The following PLPP4 variants were observed in gnomAD, a reference collection of about 807,000 sequenced individuals.
PLPP4 encodes phospholipid phosphatase 4.
A neutral mutation model predicts 32.2 loss-of-function variants in PLPP4; 20 were observed. The observed-to-expected ratio is 0.62, with a 90% CI of 0.44 to 0.90. The LOEUF (loss-of-function observed/expected upper bound fraction) is 0.90. Among genes scored for constraint, PLPP4 ranks in the 40% least tolerant of loss-of-function variants. PLPP4 has a pLI of 0.00. For missense variants in PLPP4, 257 were observed against 353.1 expected, an observed-to-expected ratio of 0.73 and a Z score of 2.18; for synonymous variants, 127 against 133.0, an observed-to-expected ratio of 0.95 and a Z score of 0.31.
chr10:120,572,540 C>G (rs1331408898), intron 5 of PLPP4, among the ~76,000 whole-genome samples: 6 of 152,262 alleles, frequency 3.9e-5, no homozygotes, highest in Non-Finnish European at 8.8e-5. Context: ...AAGGCTGCCT[C>G]TCCCCTGATT....
intron 6 of PLPP4, among the ~76,000 whole-genome samples, chr10:120,584,623 A>G (rs939667600): frequency 2.6e-5 from 4 of 152,206 alleles, no homozygotes; most frequent in Admixed American, 6.5e-5. Context: ...TTCCCCCAAT[A>G]AGGGCTTTCT....
At chr10:120,486,165 C>T (rs183924959) in intron 1 of PLPP4, among the ~76,000 whole-genome samples, 17 of 152,292 alleles carry the variant, frequency 1.1e-4, no homozygotes, top group East Asian at 7.7e-4. Context: ...GGATTTTTCA[C>T]GCCCACCCTC....
intron 3 of PLPP4, 79 bp from the exon 4 acceptor site, chr10:120,518,752 TGA>T (rs1846032850): frequency 1.3e-5 from 14 of 1,055,942 alleles, no homozygotes; most frequent in Non-Finnish European, 2.0e-5. Flanking sequence ...AATGTAACAG[TGA>T]TGATGATGAT....
chr10:120,459,779 A>G (rs1212679312), intron 1 of PLPP4, among the ~76,000 whole-genome samples: 1 of 152,186 alleles, frequency 6.6e-6, no homozygotes, highest in African/African-American at 2.4e-5. Flanking sequence ...CCGGAGAAAC[A>G]TCACCTGTAG....
rs775599556 is a variant in PLPP4 at position 120,575,201 on chromosome 10, G to C, written c.516G>C (p.Gly172=). ...AGCTGCACTGCTTCACCGAGAGTGG[G>C]CGGGGAAAGAGCTGGCGGCTCTGTG... The part of the protein sequence containing the change: ...AGKLHCFTES[G]RGKSWRLCAA... The change falls in exon 6 of 7, where the codon GGG becomes GGC. Residue 172 remains glycine, a synonymous_variant. Coordinates refer to ENST00000398250, the MANE Select transcript of PLPP4 (RefSeq NM_001030059.3). The C allele has an allele frequency of 1.8e-5, 29 of 1,613,916 alleles. No homozygotes were observed. The highest frequency in any genetic ancestry group is 3.3e-4 in the Middle Eastern group (2 of 6,084).
At chr10:120,487,528 C>A (rs540547834) in intron 1 of PLPP4, among the ~76,000 whole-genome samples, 1 of 152,224 alleles carries the variant, frequency 6.6e-6, no homozygotes, top group Non-Finnish European at 1.5e-5. Flanking sequence ...ATTTATTTCT[C>A]AGCTTACTAT....
intron 5 of PLPP4, among the ~76,000 whole-genome samples, chr10:120,567,210 T>C (rs1231925787): frequency 1.3e-5 from 2 of 152,214 alleles, no homozygotes; most frequent in Non-Finnish European, 2.9e-5. Flanking sequence ...ATAGAAGCCC[T>C]AGGTTTGGGA....
chr10:120,490,252 A>G (rs1844656357), intron 1 of PLPP4, among the ~76,000 whole-genome samples: 1 of 152,222 alleles, frequency 6.6e-6, no homozygotes, highest in Non-Finnish European at 1.5e-5. Flanking sequence ...GTCCAAAGTC[A>G]AGACCAGTTC....
At chr10:120,546,328 C>G (rs1847618565) in intron 5 of PLPP4, among the ~76,000 whole-genome samples, 1 of 152,128 alleles carries the variant, frequency 6.6e-6, no homozygotes, top group South Asian at 2.1e-4. Flanking sequence ...CCTCCCCTGT[C>G]CCCCAACCTG....
rs1295727339 is a variant in PLPP4, at chr10:120,507,346, CATCATCATCATCATT to C, written c.165+3435_165+3449del. On this transcript the variant is annotated intron_variant, in intron 2 of 6. Transcript: ENST00000398250. Reference sequence around the variant, plus strand: ...CAGGTAAACTTCTAGGGAAGTTCTTCATCATCATCATCATTATCATCATCATCATCATCATCATCA... The same window carrying C: ...CAGGTAAACTTCTAGGGAAGTTCTTCATCATCATCATCATCATCATCATCA... 3.7e-3 allele frequency among the ~76,000 whole-genome samples: 333 copies of C among 90,446 alleles called. 1 individual carries two copies. Among genetic ancestry groups the C allele is most frequent in the African/African-American group, 9.3e-3 (228 of 24,608 alleles). 59.3% of individuals were successfully genotyped at this position (90,446 alleles called of 152,430 possible). A position where few individuals can be genotyped will look rare whatever the true frequency, so the allele number is the denominator to read the frequency against.
intron 1 of PLPP4, among the ~76,000 whole-genome samples, chr10:120,497,380 C>T (rs1845018656): frequency 6.6e-6 from 1 of 151,936 alleles, no homozygotes; most frequent in East Asian, 1.9e-4. Context: ...TAATTACATC[C>T]TTTTGCTTGC....
At position 120,473,305 on chromosome 10, in the gene PLPP4, G is replaced by GT. The variant is rs35255245; in HGVS notation, c.56+15954dup. 8.2e-3 allele frequency among the ~76,000 whole-genome samples: 1,217 copies of GT among 148,140 alleles called. 6 individuals carry two copies. The highest frequency in any genetic ancestry group is 0.061 in the Middle Eastern group (17 of 280). ...GGCTATTGTTGGGCAAATCTATCTT[G>GT]TTTTTTTTTTCCAAGATTGTATTCC... On this transcript the variant is annotated intron_variant, in intron 1 of 6. Transcript: ENST00000398250.
chr10:120,586,728 C>T (rs1365136144), intron 6 of PLPP4, among the ~76,000 whole-genome samples: 2 of 152,196 alleles, frequency 1.3e-5, no homozygotes, highest in African/African-American at 4.8e-5. Flanking sequence ...AAGGAATCAA[C>T]AGCCAACCCT....
chr10:120,503,896 A>G lies in PLPP4; in HGVS notation c.135A>G (p.Gln45=), dbSNP rs543953390. 6.2e-7 allele frequency: 1 copy of G among 1,612,016 alleles called. No individual in the cohort carries two copies. The highest frequency in any genetic ancestry group is 1.1e-5 in the South Asian group (1 of 91,036). ...GGCTCTATAAAAATCCTTTGGTGCA[A>G]TCAGATAACATACCTACCCGCCTCA... ...EIWLYKNPLV[Q]SDNIPTRLMF... The change falls in exon 2 of 7, where the codon CAA becomes CAG. Residue 45 remains glutamine (Q), a synonymous_variant. Transcript: ENST00000398250.
chr10:120,570,389 A>G (rs766512139), intron 5 of PLPP4, among the ~76,000 whole-genome samples: 1 of 152,140 alleles, frequency 6.6e-6, no homozygotes, highest in African/African-American at 2.4e-5. Context: ...CAACTCTCTG[A>G]ACATCCCAAA....
chr10:120,571,242 G>T (rs1848928748), intron 5 of PLPP4, among the ~76,000 whole-genome samples: 1 of 151,858 alleles, frequency 6.6e-6, no homozygotes, highest in African/African-American at 2.4e-5. Flanking sequence ...TTATATTTCT[G>T]TTGTTGGTAA....
chr10:120,512,418 A>G (rs1267774093), intron 2 of PLPP4, among the ~76,000 whole-genome samples: 1 of 152,206 alleles, frequency 6.6e-6, no homozygotes, highest in Non-Finnish European at 1.5e-5. Flanking sequence ...CAAACTGGTT[A>G]CTACCACTTC....
intron 5 of PLPP4, among the ~76,000 whole-genome samples, chr10:120,544,580 T>A (rs1370547137): frequency 1.3e-5 from 2 of 152,090 alleles, no homozygotes; most frequent in African/African-American, 4.8e-5. Context: ...GCCTCACTCT[T>A]CCCTCTTCCA....
chr10:120,587,736 T>G (rs1428337689), intron 6 of PLPP4, among the ~76,000 whole-genome samples: 1 of 152,238 alleles, frequency 6.6e-6, no homozygotes, highest in Non-Finnish European at 1.5e-5. Flanking sequence ...GCTTGTTTTC[T>G]TGAAAGATAC....
Sources: allele counts gnomAD v4.1 joint callset (sites outside exome capture counted in the v4.1 genomes callset), GRCh38; gene constraint gnomAD v4.1.1; transcripts MANE v1.5; gene names NCBI Gene and HGNC (gene_info 2026-07-23, HGNC 2026-07-21).